Variants in LHFPL2 observed in about 807,000 individuals in gnomAD.
LHFPL2 encodes the protein LHFPL tetraspan subfamily member 2 protein.
Under a neutral mutation model 17.5 loss-of-function variants are expected in LHFPL2, and 7 were observed. That is an observed-to-expected ratio of 0.40 (90% CI 0.23 to 0.75). The LOEUF (loss-of-function observed/expected upper bound fraction) is 0.75, where lower values mean the gene tolerates loss of function less well. Among genes scored for constraint, LHFPL2 ranks in the 30% least tolerant of loss-of-function variants. The probability of loss-of-function intolerance (pLI) is 0.37; values close to 1 mark genes in which losing one functional copy is unlikely to be tolerated. For synonymous variants in LHFPL2, 134 were observed against 116.2 expected, an observed-to-expected ratio of 1.15 and a Z score of -0.99; for missense variants, 241 against 294.8, an observed-to-expected ratio of 0.82 and a Z score of 1.34.
At position 78,648,310 on chromosome 5, in the gene LHFPL2, A is replaced by C. The variant is rs1745962917; in HGVS notation, c.-350+189T>G. ...TCCCAGCACCCAACGCCCATCCCGC[A>C]GCACCTCCGACCGCTCGGCGCGGTC... On this transcript the variant is annotated intron_variant, in intron 1 of 4. Transcript: ENST00000380345. This position sits in a 1 kb window ranked among gnomAD's most constrained non-coding sequence, Gnocchi z 5.4. 6.6e-6 allele frequency among the ~76,000 whole-genome samples: 1 copy of C among 152,020 alleles called. No homozygotes were observed. The highest frequency in any genetic ancestry group is 1.5e-5 in the Non-Finnish European group (1 of 67,972).
chr5:78,502,826 A>G (rs765785763), intron 4 of LHFPL2, among the ~76,000 whole-genome samples: 1 of 152,188 alleles, frequency 6.6e-6, no homozygotes, highest in Admixed American at 6.5e-5. Context: ...TTTCAACACT[A>G]CGTCCCTGAA....
rs1025755680 is a variant in LHFPL2, at chr5:78,531,191, G to A, written c.-185-20793C>T. Among the ~76,000 whole-genome samples, 50 of 152,142 alleles carry A rather than the reference G, an allele frequency of 3.3e-4. 1 individual carries two copies. The highest frequency in any genetic ancestry group is 2.1e-4 in the South Asian group (1 of 4,830). On this transcript the variant is annotated intron_variant, in intron 3 of 4. Coordinates refer to ENST00000380345, the MANE Select transcript of LHFPL2 (RefSeq NM_005779.3). ...AGCACTTTGGGAGGCTGAGGCAGGC[G>A]GATCACCTGAGGTCGGGAGTTCGAG... is the stretch of plus-strand genomic sequence containing the variant.
chr5:78,590,804 G>A (rs986702249), intron 2 of LHFPL2, among the ~76,000 whole-genome samples: 24 of 152,206 alleles, frequency 1.6e-4, no homozygotes, highest in African/African-American at 4.3e-4. Context: ...GTCATAATAC[G>A]TCTCTAGAAG....
chr5:78,569,250 G>A (rs1349256336), intron 2 of LHFPL2, among the ~76,000 whole-genome samples: 1 of 152,118 alleles, frequency 6.6e-6, no homozygotes, highest in Non-Finnish European at 1.5e-5. Context: ...ACCTGACTAG[G>A]AAGAGCTCAT....
chr5:78,574,220 G>A (rs1757072398), intron 2 of LHFPL2, among the ~76,000 whole-genome samples: 1 of 152,196 alleles, frequency 6.6e-6, no homozygotes. Context: ...TGGTCCGTGG[G>A]GAGTATTTCA....
rs531516617 is a variant in LHFPL2, at chr5:78,581,773, C to T, written c.-244-16902G>A. ...TCTCTTTTTTGGTTGTGCCTCTACCCGGCTTTGGTATCAGGATGATGCTGG... is the reference window on the plus strand; with the variant it reads ...TCTCTTTTTTGGTTGTGCCTCTACCTGGCTTTGGTATCAGGATGATGCTGG... On this transcript the variant is annotated intron_variant, in intron 2 of 4. Transcript: ENST00000380345. Among the ~76,000 whole-genome samples the T allele has an allele frequency of 3.4e-3, 517 of 152,216 alleles. 4 individuals carry two copies. The highest frequency in any genetic ancestry group is 0.012 in the African/African-American group (497 of 41,544).
chr5:78,502,187 AT>A (rs1225648111), intron 4 of LHFPL2, among the ~76,000 whole-genome samples: 1 of 152,260 alleles, frequency 6.6e-6, no homozygotes, highest in Non-Finnish European at 1.5e-5. Flanking sequence ...CATAGTTGTC[AT>A]AAAAAGATCT....
intron 4 of LHFPL2, among the ~76,000 whole-genome samples, chr5:78,498,090 GGTGAGCCACGACCACTT>G (rs1305106525): frequency 9.2e-5 from 14 of 152,184 alleles, no homozygotes; most frequent in African/African-American, 3.1e-4. Flanking sequence ...GGGGGAATGA[GGTGAGCCACGACCACTT>G]GTGAAAGAGG....
At chr5:78,534,313 G>A (rs1036551179) in intron 3 of LHFPL2, among the ~76,000 whole-genome samples, 12 of 152,190 alleles carry the variant, frequency 7.9e-5, no homozygotes, top group African/African-American at 2.9e-4. Context: ...GAATCACCAT[G>A]ACGCCGAGAG....
intron 2 of LHFPL2, among the ~76,000 whole-genome samples, chr5:78,608,030 A>G (rs1415707519): frequency 1.3e-5 from 2 of 152,270 alleles, no homozygotes; most frequent in Non-Finnish European, 1.5e-5. Flanking sequence ...CAATTAAACA[A>G]TGAACTGGTA....
At chr5:78,616,847 A>C (rs1006662284) in intron 2 of LHFPL2, among the ~76,000 whole-genome samples, 8 of 152,168 alleles carry the variant, frequency 5.3e-5, no homozygotes, top group Admixed American at 5.2e-4. Flanking sequence ...CTGCAAAAAG[A>C]CAGCTTATCC....
chr5:78,519,466 C>G (rs1326249827), intron 3 of LHFPL2, among the ~76,000 whole-genome samples: 2 of 152,120 alleles, frequency 1.3e-5, no homozygotes, highest in Non-Finnish European at 1.5e-5. Flanking sequence ...CAGGACAAAA[C>G]CCCTCACCTC....
chr5:78,596,849 T>G (rs1039461421), intron 2 of LHFPL2, among the ~76,000 whole-genome samples: 4 of 152,214 alleles, frequency 2.6e-5, no homozygotes, highest in Non-Finnish European at 5.9e-5. Context: ...GACAGTTTCT[T>G]CTGCTCCCAA....
chr5:78,574,853 C>A (rs1757089126), intron 2 of LHFPL2, among the ~76,000 whole-genome samples: 1 of 152,230 alleles, frequency 6.6e-6, no homozygotes, highest in African/African-American at 2.4e-5. Flanking sequence ...GGTGATTCTT[C>A]CTCTCTCCAG....
At position 78,487,414 on chromosome 5, in the gene LHFPL2, C is replaced by G. The variant is rs1191055272; in HGVS notation, c.*1483G>C. The G allele has an allele frequency of 6.6e-6, 1 of 152,180 alleles. No homozygotes were observed. The highest frequency in any genetic ancestry group is 1.5e-5 in the Non-Finnish European group (1 of 68,020). The allele number at this position is 152,180 out of a possible 1,614,324, so 9.4% of individuals were successfully genotyped here. On this transcript the variant is annotated 3_prime_UTR_variant, in exon 5 of 5. Transcript: ENST00000380345. ...GTCCACAGAAGGTACTTTTTCAAAACAAAGTCCTCAAGTGAGCAGATTAAT... is the reference window on the plus strand; with the variant it reads ...GTCCACAGAAGGTACTTTTTCAAAAGAAAGTCCTCAAGTGAGCAGATTAAT...
At chr5:78,493,224 C>T (rs938046621) in intron 4 of LHFPL2, among the ~76,000 whole-genome samples, 1 of 152,202 alleles carries the variant, frequency 6.6e-6, no homozygotes. Flanking sequence ...GTCCTCCCCT[C>T]ACGAGGTCCA....
chr5:78,631,004 C>A (rs111731859), intron 2 of LHFPL2, among the ~76,000 whole-genome samples: 2 of 152,074 alleles, frequency 1.3e-5, no homozygotes, highest in South Asian at 2.1e-4. Flanking sequence ...CGGGATAATG[C>A]GAGATCAACT....
intron 2 of LHFPL2, among the ~76,000 whole-genome samples, chr5:78,589,149 G>A (rs1284594981): frequency 6.6e-6 from 1 of 152,072 alleles, no homozygotes; most frequent in African/African-American, 2.4e-5. Flanking sequence ...GATACAAAGT[G>A]GGAGAATAAT....
At chr5:78,577,251 A>G (rs1276358964) in intron 2 of LHFPL2, among the ~76,000 whole-genome samples, 2 of 152,204 alleles carry the variant, frequency 1.3e-5, no homozygotes, top group African/African-American at 4.8e-5. Context: ...CTAACTGTAT[A>G]TGAATATCAA....
Sources: gnomAD v4.1 joint callset for allele counts (sites outside exome capture counted in the v4.1 genomes callset) on GRCh38, gnomAD v4.1.1 for gene constraint, Gnocchi (gnomAD v3.1) non-coding constraint, MANE v1.5 for transcripts, NCBI Gene and HGNC (gene_info 2026-07-23, HGNC 2026-07-21) for gene names.